Variants in SLC22A23 observed in about 807,000 individuals in gnomAD.
SLC22A23 encodes solute carrier family 22 member 23.
SLC22A23 carries 26 observed loss-of-function variants against 61.0 expected under a neutral mutation model. That is an observed-to-expected ratio of 0.43 (90% CI 0.31 to 0.59). The LOEUF (loss-of-function observed/expected upper bound fraction) is 0.59. Among genes scored for constraint, SLC22A23 ranks in the 20% least tolerant of loss-of-function variants. The pLI is 0.11. For synonymous variants in SLC22A23, 430 were observed against 413.9 expected, an observed-to-expected ratio of 1.04 and a Z score of -0.47; for missense variants, 796 against 934.7, an observed-to-expected ratio of 0.85 and a Z score of 1.94.
rs749632653 is a variant in SLC22A23, at chr6:3,318,385, G to A, written c.1082+5449C>T. Among the ~76,000 whole-genome samples, 5 of 151,946 alleles carry A rather than the reference G, an allele frequency of 3.3e-5. No individual in the cohort carries two copies. The highest frequency in any genetic ancestry group is 2.1e-4 in the South Asian group (1 of 4,816). On this transcript the variant is annotated intron_variant, in intron 4 of 9. Transcript: ENST00000406686. This position sits in a 1 kb window ranked among gnomAD's most constrained non-coding sequence, Gnocchi z 4.3. The stretch of plus-strand genomic sequence containing the variant: ...GGCTCTCACACGTGGGCCACCATCC[G>A]CCTGCCCCAGTCACCCCGGGGCCAG...
In SLC22A23 at chr6:3,318,187, G is replaced by A. The variant is rs1262347505; in HGVS notation, c.1082+5647C>T. Among the ~76,000 whole-genome samples, 2 of 152,114 alleles carry A rather than the reference G, an allele frequency of 1.3e-5. No individual in the cohort carries two copies. Among genetic ancestry groups the A allele is most frequent in the Admixed American group, 6.5e-5 (1 of 15,278 alleles). On this transcript the variant is annotated intron_variant, in intron 4 of 9. Coordinates refer to ENST00000406686, the MANE Select transcript of SLC22A23 (RefSeq NM_015482.2). This position sits in a 1 kb window ranked among gnomAD's most constrained non-coding sequence, Gnocchi z 4.3. Reference sequence around the variant, plus strand: ...GCTGCTGCCTATTAACCAAGCCTTTGTATTTTCTGTATTTCCTAATGTTTT... The same window carrying A: ...GCTGCTGCCTATTAACCAAGCCTTTATATTTTCTGTATTTCCTAATGTTTT...
rs774447303 is a variant in SLC22A23, at chr6:3,455,970, T to C, written c.590A>G (p.Asn197Ser). 1.3e-4 allele frequency: 198 copies of C among 1,544,836 alleles called. No individual in the cohort carries two copies. Among genetic ancestry groups the C allele is most frequent in the Non-Finnish European group, 1.7e-4 (194 of 1,144,488 alleles). Reference protein sequence around the residue: ...SPPDKGDNASNCDCRAWDYGI... With the variant: ...SPPDKGDNASSCDCRAWDYGI... ...GTAGTCCCATGCGCGGCAGTCACAG[T>C]TGGAGGCGTTGTCCCCCTTGTCCGG... The change falls in exon 1 of 10, where the codon AAC (asparagine) becomes AGC (serine). Residue 197 changes from asparagine (N) to serine (S), a missense_variant. Coordinates refer to ENST00000406686, the MANE Select transcript of SLC22A23 (RefSeq NM_015482.2).
intron 4 of SLC22A23, among the ~76,000 whole-genome samples, chr6:3,320,572 C>T (rs1157740575): frequency 2.6e-5 from 4 of 152,216 alleles, no homozygotes; most frequent in African/African-American, 7.2e-5. Context: ...AACAGCTGGT[C>T]ATGCTGGCTG....
intron 1 of SLC22A23, among the ~76,000 whole-genome samples, chr6:3,434,911 T>C (rs1771108758): frequency 6.6e-6 from 1 of 152,068 alleles, no homozygotes; most frequent in Admixed American, 6.6e-5. Context: ...AGGCCTGAGG[T>C]TCTTAGCAGG....
At chr6:3,339,338 T>C (rs981156460) in intron 3 of SLC22A23, among the ~76,000 whole-genome samples, 6 of 152,184 alleles carry the variant, frequency 3.9e-5, no homozygotes, top group African/African-American at 1.4e-4. Flanking sequence ...AAGCTTTTTG[T>C]TTTCTGTTCA....
chr6:3,420,604 T>C (rs9328169), intron 1 of SLC22A23, among the ~76,000 whole-genome samples: 64,458 of 152,066 alleles, frequency 0.42, 14,028 homozygotes, highest in African/African-American at 0.48. Context: ...AACAGTCTAA[T>C]GATTACTACT....
At chr6:3,399,626 C>T (rs970008420) in intron 3 of SLC22A23, among the ~76,000 whole-genome samples, 21 of 152,244 alleles carry the variant, frequency 1.4e-4, no homozygotes, top group African/African-American at 4.1e-4. Flanking sequence ...TGTTTACAGG[C>T]GTTTTTAGGG....
chr6:3,311,403 T>G (rs560476509), intron 4 of SLC22A23, among the ~76,000 whole-genome samples: 23 of 152,158 alleles, frequency 1.5e-4, no homozygotes, highest in Non-Finnish European at 2.9e-4. Context: ...CTGAAGAGAT[T>G]CTAAAAAAAT....
At chr6:3,393,860 C>T (rs1339595299) in intron 3 of SLC22A23, among the ~76,000 whole-genome samples, 5 of 152,232 alleles carry the variant, frequency 3.3e-5, no homozygotes, top group South Asian at 2.1e-4. Flanking sequence ...AACGAGGCAA[C>T]GGCCTCTCAG....
chr6:3,413,738 C>T (rs1016337486), intron 2 of SLC22A23, among the ~76,000 whole-genome samples: 7 of 152,224 alleles, frequency 4.6e-5, no homozygotes, highest in Non-Finnish European at 1.0e-4. Flanking sequence ...GGCCCATAGC[C>T]GAGAGGTCTG....
At chr6:3,405,267 T>A (rs796529068) in intron 3 of SLC22A23, among the ~76,000 whole-genome samples, 4,504 of 139,076 alleles carry the variant, frequency 0.032, 188 homozygotes, top group East Asian at 0.14. Flanking sequence ...TCAAAAAATT[T>A]AAAAAAAAAA....
chr6:3,295,689 A>G (rs2127349352), intron 5 of SLC22A23, among the ~76,000 whole-genome samples: 1 of 152,326 alleles, frequency 6.6e-6, no homozygotes, highest in Admixed American at 6.5e-5. Flanking sequence ...AGGAAGCTGG[A>G]AGTGGGAGAT....
chr6:3,380,964 C>T (rs1766915869), intron 3 of SLC22A23, among the ~76,000 whole-genome samples: 2 of 152,122 alleles, frequency 1.3e-5, no homozygotes. Context: ...ACTCGCAGCT[C>T]ATTGGTCAGG....
chr6:3,338,176 A>G (rs1438439142), intron 3 of SLC22A23, among the ~76,000 whole-genome samples: 2 of 152,194 alleles, frequency 1.3e-5, no homozygotes, highest in Non-Finnish European at 1.5e-5. Context: ...GTCATTTCTC[A>G]AATCATGTAT....
At chr6:3,448,057 C>T (rs1182753131) in intron 1 of SLC22A23, among the ~76,000 whole-genome samples, 6 of 151,974 alleles carry the variant, frequency 3.9e-5, no homozygotes, top group African/African-American at 1.4e-4. Context: ...CACCCACCAC[C>T]ATGCCCAGCT....
At chr6:3,363,367 G>T (rs946632835) in intron 3 of SLC22A23, among the ~76,000 whole-genome samples, 10 of 152,192 alleles carry the variant, frequency 6.6e-5, no homozygotes, top group Non-Finnish European at 8.8e-5. Flanking sequence ...CCAGGCCACC[G>T]CCAGAACAGG....
intron 3 of SLC22A23, among the ~76,000 whole-genome samples, chr6:3,349,889 G>C (rs565194220): frequency 1.6e-4 from 24 of 152,356 alleles, no homozygotes; most frequent in African/African-American, 5.8e-4. Flanking sequence ...ACCTGGGACA[G>C]AGCACCTCTT....
At chr6:3,408,085 C>T (rs1357164714) in intron 3 of SLC22A23, among the ~76,000 whole-genome samples, 2 of 152,192 alleles carry the variant, frequency 1.3e-5, no homozygotes, top group Admixed American at 6.5e-5. Context: ...TTCTTTATGG[C>T]TGCTTTCAGG....
intron 1 of SLC22A23, among the ~76,000 whole-genome samples, chr6:3,445,651 C>T (rs985808994): frequency 6.6e-6 from 1 of 152,104 alleles, no homozygotes; most frequent in African/African-American, 2.4e-5. Context: ...AGCTGGTTGC[C>T]GTCCTTCAGA....
Sources: allele counts gnomAD v4.1 joint callset (sites outside exome capture counted in the v4.1 genomes callset), GRCh38; gene constraint gnomAD v4.1.1; non-coding constraint Gnocchi (gnomAD v3.1); transcripts MANE v1.5; gene names NCBI Gene and HGNC (gene_info 2026-07-23, HGNC 2026-07-21).